DCC: variants seen among roughly 807,000 people sequenced by gnomAD.
DCC encodes the protein DCC netrin 1 receptor.
In DCC, 58 loss-of-function variants were observed where a neutral mutation model predicts 172.5. That is an observed-to-expected ratio of 0.34 (90% confidence interval 0.27 to 0.42). The LOEUF (loss-of-function observed/expected upper bound fraction) is 0.42, where lower values mean the gene tolerates loss of function less well. Among genes scored for constraint, DCC ranks in the 10% least tolerant of loss-of-function variants. DCC has a pLI of 1.00. For missense variants in DCC, 1,740 were observed against 1,791.0 expected (o/e 0.97, Z 0.51); for synonymous variants, 709 against 644.5 (o/e 1.10, Z -1.52).
At chr18:52,435,679 G>T (rs1158051193) in intron 1 of DCC, among the ~76,000 whole-genome samples, 1 of 152,162 alleles carries the variant, frequency 6.6e-6, no homozygotes. Context: ...AGCCGCCCTT[G>T]AGATTGATAT....
At chr18:52,396,748 A>G (rs987876650) in intron 1 of DCC, among the ~76,000 whole-genome samples, 6 of 152,098 alleles carry the variant, frequency 3.9e-5, no homozygotes, top group Non-Finnish European at 8.8e-5. Flanking sequence ...ATTTAAAATC[A>G]GTAAGTTGAA....
chr18:53,170,772 TG>T (rs2055002007), intron 8 of DCC, among the ~76,000 whole-genome samples: 1 of 152,198 alleles, frequency 6.6e-6, no homozygotes, highest in Non-Finnish European at 1.5e-5. Flanking sequence ...TTGAGAAATC[TG>T]GGGCTCAGAA....
At chr18:52,507,975 C>T (rs1054910749) in intron 1 of DCC, among the ~76,000 whole-genome samples, 1 of 152,064 alleles carries the variant, frequency 6.6e-6, no homozygotes, top group African/African-American at 2.4e-5. Context: ...GTGGCAGGCA[C>T]CTGTAGTCCA....
chr18:52,358,545 C>G (rs1984479528), intron 1 of DCC, among the ~76,000 whole-genome samples: 1 of 152,210 alleles, frequency 6.6e-6, no homozygotes, highest in Non-Finnish European at 1.5e-5. Flanking sequence ...TTCCACATTA[C>G]CACTGCTCAA....
chr18:52,932,060 G>A (rs2040314895), intron 5 of DCC: 1 of 152,110 alleles, frequency 6.6e-6, no homozygotes, highest in Non-Finnish European at 1.5e-5. Context: ...GGGGTGGGAG[G>A]AGTCCTAAAG....
chr18:52,955,604 G>T (rs1057068332), intron 5 of DCC, among the ~76,000 whole-genome samples: 5 of 151,944 alleles, frequency 3.3e-5, no homozygotes, highest in Non-Finnish European at 7.4e-5. Flanking sequence ...AGTATGTTTG[G>T]TTTTGTAAAA....
chr18:52,990,272 G>A (rs1470770967), intron 5 of DCC, among the ~76,000 whole-genome samples: 1 of 152,012 alleles, frequency 6.6e-6, no homozygotes, highest in Non-Finnish European at 1.5e-5. Context: ...CAGGCGCAGT[G>A]GCTCACGCCT....
chr18:52,580,054 G>A (rs1199746685), intron 1 of DCC, among the ~76,000 whole-genome samples: 1 of 152,204 alleles, frequency 6.6e-6, no homozygotes, highest in African/African-American at 2.4e-5. Flanking sequence ...TTCGGGGAGG[G>A]AATGCCAGGA....
chr18:52,571,817 G>A (rs950153196), intron 1 of DCC, among the ~76,000 whole-genome samples: 3 of 152,206 alleles, frequency 2.0e-5, no homozygotes, highest in Non-Finnish European at 2.9e-5. Flanking sequence ...TCTTTCAGTC[G>A]TTGGAAGCAC....
intron 1 of DCC, among the ~76,000 whole-genome samples, chr18:52,613,578 G>A (rs1230429186): frequency 6.6e-6 from 1 of 152,020 alleles, no homozygotes; most frequent in Admixed American, 6.6e-5. Context: ...TTTATGCTTA[G>A]GAATCTATTT....
At chr18:52,914,754 A>G (rs1235392971) in intron 3 of DCC, among the ~76,000 whole-genome samples, 2 of 152,146 alleles carry the variant, frequency 1.3e-5, no homozygotes, top group African/African-American at 4.8e-5. Flanking sequence ...ATTCTAAAAC[A>G]GAACTAGATG....
chr18:52,386,407 G>T (rs1408554335), intron 1 of DCC, among the ~76,000 whole-genome samples: 2 of 151,930 alleles, frequency 1.3e-5, no homozygotes, highest in East Asian at 3.9e-4. Flanking sequence ...GGGGATTTTG[G>T]TAATCCTCAT....
chr18:52,982,917 A>G (rs751052522), intron 5 of DCC, among the ~76,000 whole-genome samples: 14 of 152,148 alleles, frequency 9.2e-5, no homozygotes, highest in Admixed American at 1.3e-4. Context: ...CTTCTTCTCC[A>G]TTATTGTATT....
At chr18:52,500,191 C>T (rs1348729722) in intron 1 of DCC, among the ~76,000 whole-genome samples, 1 of 151,840 alleles carries the variant, frequency 6.6e-6, no homozygotes, top group Non-Finnish European at 1.5e-5. Context: ...CAAACATTTG[C>T]CACAAACTGG....
At chr18:52,992,561 A>G (rs1488607218) in intron 5 of DCC, among the ~76,000 whole-genome samples, 1 of 152,176 alleles carries the variant, frequency 6.6e-6, no homozygotes, top group Non-Finnish European at 1.5e-5. Flanking sequence ...TCCTTAAAAG[A>G]TGCCAGATAC....
chr18:52,348,657 G>T (rs756249769), intron 1 of DCC, among the ~76,000 whole-genome samples: 2 of 152,176 alleles, frequency 1.3e-5, no homozygotes, highest in Admixed American at 1.3e-4. Context: ...TAATATTATT[G>T]GTAGTTATTC....
chr18:53,261,724 C>G (rs1400041321), intron 12 of DCC, among the ~76,000 whole-genome samples: 1 of 152,118 alleles, frequency 6.6e-6, no homozygotes, highest in African/African-American at 2.4e-5. Flanking sequence ...TGGTCTTGAT[C>G]TCCTGACCTT....
intron 3 of DCC, among the ~76,000 whole-genome samples, chr18:52,911,094 T>C (rs1460661303): frequency 1.3e-5 from 2 of 152,134 alleles, no homozygotes; most frequent in African/African-American, 2.4e-5. Context: ...CTATTTTCTA[T>C]GTTTTCTATA....
intron 2 of DCC, among the ~76,000 whole-genome samples, chr18:52,773,551 G>C (rs142373070): frequency 0.091 from 13,702 of 150,130 alleles, 797 homozygotes; most frequent in South Asian, 0.15. Flanking sequence ...TTTTGAGACA[G>C]AGTCTCGCTG....
Sources: allele counts gnomAD v4.1 joint callset (sites outside exome capture counted in the v4.1 genomes callset), GRCh38; gene constraint gnomAD v4.1.1; transcripts MANE v1.5; gene names NCBI Gene and HGNC (gene_info 2026-07-23, HGNC 2026-07-21).